The following RGS7BP variants were observed in gnomAD, a reference collection of about 807,000 sequenced individuals.
RGS7BP encodes regulator of G protein signaling 7 binding protein.
In RGS7BP, 9 loss-of-function variants were observed where a neutral mutation model predicts 31.3. The observed-to-expected ratio is 0.29, with a 90% CI of 0.17 to 0.50. The LOEUF is 0.50. Among genes scored for constraint, RGS7BP ranks in the 20% least tolerant of loss-of-function variants. The pLI, the probability that RGS7BP is intolerant of heterozygous loss-of-function variation, is 0.98. For missense variants in RGS7BP, 274 were observed against 322.0 expected (o/e 0.85, Z 1.14); for synonymous variants, 115 against 120.1 (o/e 0.96, Z 0.28).
intron 5 of RGS7BP, among the ~76,000 whole-genome samples, chr5:64,603,668 C>A (rs1743278738): frequency 6.6e-6 from 1 of 152,112 alleles, no homozygotes; most frequent in Non-Finnish European, 1.5e-5. Flanking sequence ...GATTTAACAA[C>A]AAGGTAGTCA....
At chr5:64,529,682 G>A (rs907186000) in intron 2 of RGS7BP, among the ~76,000 whole-genome samples, 1 of 152,130 alleles carries the variant, frequency 6.6e-6, no homozygotes, top group Non-Finnish European at 1.5e-5. Flanking sequence ...AGACAAGTTT[G>A]AGAACCACTG....
intron 2 of RGS7BP, among the ~76,000 whole-genome samples, chr5:64,525,554 T>C (rs1554054445): frequency 6.6e-6 from 1 of 152,192 alleles, no homozygotes; most frequent in Non-Finnish European, 1.5e-5. Flanking sequence ...TCCACCAAAA[T>C]TATGTCATTT....
rs529045204 is a variant in RGS7BP, at chr5:64,521,348, C to T, written c.332+13471C>T. Among the ~76,000 whole-genome samples the T allele has an allele frequency of 4.6e-5, 7 of 152,320 alleles. No homozygotes were observed. The South Asian group carries it at 1.4e-3, about 32-fold the overall frequency. The stretch of plus-strand genomic sequence containing the variant: ...CCTTGGCTCACTGCAACCTCCGTCT[C>T]CCGGGTTCAAGGATTCTCCTGCCTC... On this transcript the variant is annotated intron_variant, in intron 2 of 5. Coordinates refer to ENST00000334025, the MANE Select transcript of RGS7BP (RefSeq NM_001029875.3).
intron 4 of RGS7BP, among the ~76,000 whole-genome samples, chr5:64,597,723 G>A (rs913039399): frequency 6.6e-6 from 1 of 151,808 alleles, no homozygotes; most frequent in Admixed American, 6.6e-5. Context: ...ATGGGGTGTG[G>A]AATGATAGAC....
chr5:64,506,530 C>A lies in RGS7BP; in HGVS notation c.-95C>A. The A allele has an allele frequency of 3.4e-6, 4 of 1,164,082 alleles. No individual in the cohort carries two copies. The highest frequency in any genetic ancestry group is 1.5e-5 in the South Asian group (1 of 64,924). The allele number at this position is 1,164,082 out of a possible 1,614,324, so 72.1% of individuals were successfully genotyped here. A position where few individuals can be genotyped will look rare whatever the true frequency, so the allele number is the denominator to read the frequency against. ...GTGAGCTGCGCGCCTCAGGTCCGGG[C>A]TCCGGCTGCTTGGCGGCGGCGCCCA... On this transcript the variant is annotated 5_prime_UTR_variant, in exon 1 of 6. Coordinates refer to ENST00000334025, the MANE Select transcript of RGS7BP (RefSeq NM_001029875.3). The surrounding 1 kb of genome is among the most constrained non-coding windows in gnomAD (Gnocchi z 4.6).
intron 5 of RGS7BP, among the ~76,000 whole-genome samples, chr5:64,603,056 CAA>C (rs1274708932): frequency 2.6e-5 from 4 of 152,058 alleles, no homozygotes; most frequent in African/African-American, 9.7e-5. Context: ...AAGAGAGAGA[CAA>C]GAGAGAGACA....
At chr5:64,529,698 G>A (rs1271576861) in intron 2 of RGS7BP, among the ~76,000 whole-genome samples, 1 of 152,170 alleles carries the variant, frequency 6.6e-6, no homozygotes, top group Non-Finnish European at 1.5e-5. Flanking sequence ...CACTGGCATA[G>A]ACAAGGGATC....
chr5:64,608,092 T>C (rs1424840638), intron 5 of RGS7BP, among the ~76,000 whole-genome samples: 2 of 152,070 alleles, frequency 1.3e-5, no homozygotes, highest in African/African-American at 2.4e-5. Context: ...GGAAGGAAAG[T>C]GCAACTAGTC....
At chr5:64,585,690 A>G (rs6873683) in intron 3 of RGS7BP, among the ~76,000 whole-genome samples, 52,309 of 151,878 alleles carry the variant, frequency 0.34, 9,275 homozygotes, top group South Asian at 0.4. Context: ...AGAATAACCA[A>G]CCTTTCAATT....
chr5:64,536,147 T>G, intron 2 of RGS7BP, among the ~76,000 whole-genome samples: 1 of 152,160 alleles, frequency 6.6e-6, no homozygotes, highest in East Asian at 1.9e-4. Context: ...TCATTAAACA[T>G]CAAGGAACAG....
intron 5 of RGS7BP, among the ~76,000 whole-genome samples, chr5:64,600,724 G>A (rs535165947): frequency 1.3e-5 from 2 of 152,218 alleles, no homozygotes; most frequent in Non-Finnish European, 2.9e-5. Context: ...GGATTGTGAG[G>A]AATTTGAGTT....
At chr5:64,567,280 G>A (rs1295360713) in intron 2 of RGS7BP, among the ~76,000 whole-genome samples, 1 of 152,078 alleles carries the variant, frequency 6.6e-6, no homozygotes, top group Non-Finnish European at 1.5e-5. Context: ...ACATGGAAGA[G>A]GAGTCCGTTT....
At chr5:64,523,161 A>G (rs1437377281) in intron 2 of RGS7BP, among the ~76,000 whole-genome samples, 1 of 152,198 alleles carries the variant, frequency 6.6e-6, no homozygotes, top group Non-Finnish European at 1.5e-5. Flanking sequence ...GTGCATTTCA[A>G]GGTCTCCAAA....
At chr5:64,576,721 G>T (rs1742441526) in intron 3 of RGS7BP, among the ~76,000 whole-genome samples, 1 of 152,222 alleles carries the variant, frequency 6.6e-6, no homozygotes, top group African/African-American at 2.4e-5. Context: ...AGAGGGTGGA[G>T]TCAGCCCCAC....
intron 2 of RGS7BP, among the ~76,000 whole-genome samples, chr5:64,551,136 T>C (rs1741783924): frequency 1.3e-5 from 2 of 151,868 alleles, no homozygotes; most frequent in Admixed American, 6.5e-5. Context: ...GGTTTTCTGC[T>C]TATTTGTCAC....
chr5:64,607,941 A>G (rs1743406052), intron 5 of RGS7BP, among the ~76,000 whole-genome samples: 1 of 152,006 alleles, frequency 6.6e-6, no homozygotes, highest in Non-Finnish European at 1.5e-5. Context: ...GCCCTCTTCT[A>G]CGAATCAGTT....
chr5:64,588,446 C>G (rs1742817445), intron 3 of RGS7BP, among the ~76,000 whole-genome samples: 1 of 152,140 alleles, frequency 6.6e-6, no homozygotes, highest in African/African-American at 2.4e-5. Flanking sequence ...ACACAGAATC[C>G]CTAAGCTCAG....
chr5:64,527,719 C>T (rs1402017570), intron 2 of RGS7BP, among the ~76,000 whole-genome samples: 1 of 138,440 alleles, frequency 7.2e-6, no homozygotes, highest in Non-Finnish European at 1.6e-5. Flanking sequence ...ACAGTACAAA[C>T]ATAAAAAATG....
chr5:64,580,264 G>A (rs1215562158), intron 3 of RGS7BP, among the ~76,000 whole-genome samples: 1 of 152,166 alleles, frequency 6.6e-6, no homozygotes, highest in Non-Finnish European at 1.5e-5. Flanking sequence ...GAGTCAGGAA[G>A]CCTTACTGCC....
Sources: allele counts gnomAD v4.1 joint callset (sites outside exome capture counted in the v4.1 genomes callset), GRCh38; gene constraint gnomAD v4.1.1; non-coding constraint Gnocchi (gnomAD v3.1); transcripts MANE v1.5; gene names NCBI Gene and HGNC (gene_info 2026-07-23, HGNC 2026-07-21).